The following PLA2R1 variants were observed in gnomAD, a reference collection of about 807,000 sequenced individuals.
The protein encoded by PLA2R1 is secretory phospholipase A2 receptor.
Under a neutral mutation model 195.9 loss-of-function variants are expected in PLA2R1, and 158 were observed. The observed-to-expected ratio is 0.81, with a 90% CI of 0.71 to 0.92. The LOEUF (loss-of-function observed/expected upper bound fraction) is 0.92, where lower values mean the gene tolerates loss of function less well. Among genes scored for constraint, PLA2R1 ranks in the 40% least tolerant of loss-of-function variants. The pLI, the probability that PLA2R1 is intolerant of heterozygous loss-of-function variation, is 0.00. For missense variants in PLA2R1, 1,626 were observed against 1,764.6 expected (o/e 0.92, Z 1.41); for synonymous variants, 586 against 598.2 (o/e 0.98, Z 0.30).
intron 14 of PLA2R1, among the ~76,000 whole-genome samples, chr2:159,977,830 C>T (rs1447970514): frequency 6.6e-6 from 1 of 151,966 alleles, no homozygotes; most frequent in Admixed American, 6.6e-5. Context: ...GTAGTCCCAG[C>T]TACTCGGGAG....
rs565040003 is a variant in PLA2R1, at chr2:159,933,775, G to A, written c.*8003C>T. ...AACATAACAGTGCTTGCTAAGATACGTTAAAGTATGTAAGACTTCCCCATT... is the reference window on the plus strand; with the variant it reads ...AACATAACAGTGCTTGCTAAGATACATTAAAGTATGTAAGACTTCCCCATT... On this transcript the variant is annotated 3_prime_UTR_variant, in exon 30 of 30. Coordinates refer to ENST00000283243, the MANE Select transcript of PLA2R1 (RefSeq NM_007366.5). 26 of 152,286 alleles carry A rather than the reference G, an allele frequency of 1.7e-4. No homozygotes were observed. Among genetic ancestry groups the A allele is most frequent in the African/African-American group, 5.8e-4 (24 of 41,562 alleles). 9.4% of individuals were successfully genotyped at this position (152,286 alleles called of 1,614,324 possible). A position where few individuals can be genotyped will look rare whatever the true frequency, so the allele number is the denominator to read the frequency against.
chr2:159,956,653 A>G, intron 20 of PLA2R1, 26 bp from the exon 21 acceptor site: 1 of 1,299,952 alleles, frequency 7.7e-7, no homozygotes, highest in East Asian at 2.3e-5. Flanking sequence ...AAAACAAAAC[A>G]TTCATTTCTG....
At chr2:160,038,371 G>A (rs1235472206) in intron 3 of PLA2R1, among the ~76,000 whole-genome samples, 1 of 152,162 alleles carries the variant, frequency 6.6e-6, no homozygotes, top group Non-Finnish European at 1.5e-5. Flanking sequence ...GATGGTCTAG[G>A]GTGTGACTGC....
chr2:159,963,423 A>G lies in PLA2R1; in HGVS notation c.2904+4116T>C, dbSNP rs540743382. On this transcript the variant is annotated intron_variant, in intron 20 of 29. Transcript: ENST00000283243. ...TCAAAATTAAAAACTTTTGTGCATC[A>G]AAGGACATTATCAAGAAAGTTAAAA... is the stretch of plus-strand genomic sequence containing the variant. 4.6e-5 allele frequency among the ~76,000 whole-genome samples: 7 copies of G among 152,310 alleles called. No individual in the cohort carries two copies. The South Asian group carries it at 1.2e-3, about 27-fold the overall frequency.
At chr2:159,995,397 A>G (rs1172416366) in intron 11 of PLA2R1, among the ~76,000 whole-genome samples, 2 of 152,098 alleles carry the variant, frequency 1.3e-5, no homozygotes, top group Non-Finnish European at 2.9e-5. Context: ...CGACATCTAA[A>G]TATGCCCCAA....
chr2:159,956,509 C>A lies in PLA2R1; in HGVS notation c.3022+1G>T. ...GCCTGGTTGGATCTTGAGTACTCTA[C>A]CTTGCTCCACCTCACTTTCAATGGC... is the stretch of plus-strand genomic sequence containing the variant. On this transcript the variant is annotated splice_donor_variant, in intron 21 of 29. Coordinates refer to ENST00000283243, the MANE Select transcript of PLA2R1 (RefSeq NM_007366.5). LOFTEE classifies it high-confidence loss of function. 8 of 1,556,750 alleles carry A rather than the reference C, an allele frequency of 5.1e-6. No individual in the cohort carries two copies. Among genetic ancestry groups the A allele is most frequent in the Non-Finnish European group, 7.1e-6 (8 of 1,127,538 alleles).
intron 9 of PLA2R1, 102 bp downstream of exon 9, chr2:160,016,512 G>A (rs529921409): frequency 3.1e-6 from 2 of 646,238 alleles, no homozygotes; most frequent in African/African-American, 3.7e-5. Context: ...AAAGAGAGGA[G>A]AGAGAGAGAG....
chr2:159,962,103 C>T (rs1347441159), intron 20 of PLA2R1, among the ~76,000 whole-genome samples: 2 of 152,130 alleles, frequency 1.3e-5, no homozygotes, highest in South Asian at 2.1e-4. Flanking sequence ...AGGCAACCTA[C>T]AGAATGGGAG....
At chr2:160,015,145 C>A (rs1692645206) in intron 9 of PLA2R1, among the ~76,000 whole-genome samples, 1 of 152,160 alleles carries the variant, frequency 6.6e-6, no homozygotes, top group Non-Finnish European at 1.5e-5. Flanking sequence ...TATCAGTTAA[C>A]CCTTTGTACA....
chr2:159,951,639 A>C, intron 23 of PLA2R1, 61 bp from the exon 24 acceptor site: 2 of 824,186 alleles, frequency 2.4e-6, no homozygotes, highest in Middle Eastern at 3.4e-4. Context: ...GAAGAGGCAA[A>C]GCTTAGCATA....
At chr2:160,025,588 C>CAAAAAAAAAAAAAAAA (rs56365741) in intron 6 of PLA2R1, among the ~76,000 whole-genome samples, 4 of 52,868 alleles carry the variant, frequency 7.6e-5, no homozygotes, top group South Asian at 8.9e-4. Context: ...AACCATAAAG[C>CAAAAAAAAAAAAAAAA]AAAAAAAAAA....
rs1168618130 is a variant in PLA2R1 at position 159,951,579 on chromosome 2, C to T, written c.3302-1G>A. ...GTATTTACACCGTGTCCAGAAGTATCTAGAACAAGAACAGCAACAAAAGTC... is the reference window on the plus strand; with the variant it reads ...GTATTTACACCGTGTCCAGAAGTATTTAGAACAAGAACAGCAACAAAAGTC... On this transcript the variant is annotated splice_acceptor_variant, in intron 23 of 29. Coordinates refer to ENST00000283243, the MANE Select transcript of PLA2R1 (RefSeq NM_007366.5). LOFTEE classifies it high-confidence loss of function. 2 of 1,460,762 alleles carry T rather than the reference C, an allele frequency of 1.4e-6. No individual in the cohort carries two copies. The highest frequency in any genetic ancestry group is 2.7e-5 in the African/African-American group (2 of 73,148). 90.5% of individuals were successfully genotyped at this position (1,460,762 alleles called of 1,614,324 possible). A position where few individuals can be genotyped will look rare whatever the true frequency, so the allele number is the denominator to read the frequency against.
chr2:159,995,993 C>T (rs1691184429), intron 11 of PLA2R1, among the ~76,000 whole-genome samples: 1 of 152,114 alleles, frequency 6.6e-6, no homozygotes, highest in East Asian at 1.9e-4. Context: ...TATCATCTAT[C>T]TGTCATCTAT....
Position 160,033,012 on chromosome 2 carries a change from T to G in PLA2R1, c.788A>C (p.Gln263Pro). ...TGTAATACTTAACAGCGTACCTCCT[T>G]GCATCTGGCATGAAGAATGTGCCTC... Reference protein sequence around the residue: ...WSEAHSSCQMQGGTLLSITDE... With the variant: ...WSEAHSSCQMPGGTLLSITDE... Residue 263 changes from glutamine to proline, a missense_variant, in exon 4 of 30, where the codon CAA becomes CCA. Physicochemically the swap from Gln to Pro is moderately conservative, Grantham distance 76. Coordinates refer to ENST00000283243, the MANE Select transcript of PLA2R1 (RefSeq NM_007366.5). 1 of 1,613,604 alleles carries G rather than the reference T, an allele frequency of 6.2e-7. No individual in the cohort carries two copies. The highest frequency in any genetic ancestry group is 8.5e-7 in the Non-Finnish European group (1 of 1,179,712).
intron 17 of PLA2R1, among the ~76,000 whole-genome samples, chr2:159,971,337 C>T (rs2105247283): frequency 6.6e-6 from 1 of 152,184 alleles, no homozygotes; most frequent in Non-Finnish European, 1.5e-5. Flanking sequence ...AAATAGAAGA[C>T]TTGAACAACA....
intron 28 of PLA2R1, 140 bp from the exon 29 acceptor site, chr2:159,942,299 C>A: frequency 1.5e-6 from 1 of 648,214 alleles, no homozygotes; most frequent in Non-Finnish European, 2.7e-6. Context: ...TAGCCACACT[C>A]ATTCATTGAT....
At chr2:160,017,156 C>G (rs1692823813) in intron 8 of PLA2R1, among the ~76,000 whole-genome samples, 1 of 152,178 alleles carries the variant, frequency 6.6e-6, no homozygotes, top group Admixed American at 6.5e-5. Flanking sequence ...TTAAGCTGTT[C>G]TCAATTTTTC....
At chr2:160,007,701 A>C (rs76748031) in intron 10 of PLA2R1, among the ~76,000 whole-genome samples, 4,353 of 152,356 alleles carry the variant, frequency 0.029, 101 homozygotes, top group South Asian at 0.047. Context: ...AAAGACTTGT[A>C]TACTGAAAAC....
At chr2:159,966,983 C>T (rs1472919418) in intron 20 of PLA2R1, among the ~76,000 whole-genome samples, 2 of 152,198 alleles carry the variant, frequency 1.3e-5, no homozygotes, top group Non-Finnish European at 1.5e-5. Flanking sequence ...GAAGCACCAG[C>T]TTTATGAGGC....
Sources: gnomAD v4.1 joint callset for allele counts (sites outside exome capture counted in the v4.1 genomes callset) on GRCh38, gnomAD v4.1.1 for gene constraint, MANE v1.5 for transcripts, NCBI Gene and HGNC (gene_info 2026-07-23, HGNC 2026-07-21) for gene names.